Variants in CD6 observed in about 807,000 individuals in gnomAD.
The protein encoded by CD6 is T-cell differentiation antigen CD6.
Under a neutral mutation model 75.3 loss-of-function variants are expected in CD6, and 53 were observed. The observed-to-expected ratio is 0.70, with a 90% confidence interval of 0.56 to 0.88. The LOEUF (loss-of-function observed/expected upper bound fraction) is 0.88. Among genes scored for constraint, CD6 ranks in the 40% least tolerant of loss-of-function variants. The pLI is 0.00. For missense variants in CD6, 770 were observed against 897.1 expected, an observed-to-expected ratio of 0.86 and a Z score of 1.81; for synonymous variants, 359 against 381.5, an observed-to-expected ratio of 0.94 and a Z score of 0.69.
intron 1 of CD6, among the ~76,000 whole-genome samples, chr11:61,002,384 T>A (rs1048138422): frequency 6.6e-6 from 1 of 151,924 alleles, no homozygotes; most frequent in Non-Finnish European, 1.5e-5. Flanking sequence ...AGAAACCCCA[T>A]CTCTACCAAA....
At chr11:60,981,771 G>A (rs1181319048) in intron 1 of CD6, among the ~76,000 whole-genome samples, 1 of 152,192 alleles carries the variant, frequency 6.6e-6, no homozygotes, top group Admixed American at 6.5e-5. Flanking sequence ...AACGCCTTCT[G>A]CCTGAAAATG....
chr11:60,987,506 G>A (rs1193861887), intron 1 of CD6, among the ~76,000 whole-genome samples: 3 of 152,068 alleles, frequency 2.0e-5, no homozygotes, highest in Non-Finnish European at 2.9e-5. Flanking sequence ...TCAACAACTC[G>A]TAGCAATGTA....
At position 61,015,773 on chromosome 11, in the gene CD6, A is replaced by T; in HGVS notation, c.1448A>T (p.Asp483Val). ...CCTGAGGACTCAGACTCTGGCTCGG[A>T]CTCAGACTATGAGCACTATGACTTC... ...PPPEDSDSGS[D>V]SDYEHYDFSA... The change falls in exon 9 of 13, where the codon GAC (aspartate) becomes GTC (valine). Residue 483 changes from aspartate to valine, a missense_variant. By Grantham distance (152) the Asp-to-Val change is radical. Transcript: ENST00000313421. 1.2e-6 allele frequency: 2 copies of T among 1,614,090 alleles called. No individual in the cohort carries two copies. The highest frequency in any genetic ancestry group is 1.7e-6 in the Non-Finnish European group (2 of 1,180,020).
intron 1 of CD6, among the ~76,000 whole-genome samples, chr11:61,001,597 C>CT (rs140202569): frequency 0.16 from 25,029 of 152,142 alleles, 2,852 homozygotes; most frequent in Middle Eastern, 0.31. Flanking sequence ...TAAATCGTCC[C>CT]TTTAGGTTTT....
chr11:61,018,704 G>C (rs2134513952), intron 12 of CD6: 1 of 353,642 alleles, frequency 2.8e-6, no homozygotes, highest in South Asian at 5.1e-5. Flanking sequence ...TATAGTCCCA[G>C]CTCCTCAGGA....
chr11:61,005,364 G>T (rs533663838), intron 1 of CD6, among the ~76,000 whole-genome samples: 56 of 152,248 alleles, frequency 3.7e-4, no homozygotes, highest in African/African-American at 1.1e-3. Context: ...GACCTCACAG[G>T]GGGGGCCAGA....
At chr11:60,981,119 A>T (rs544255614) in intron 1 of CD6, among the ~76,000 whole-genome samples, 1 of 152,218 alleles carries the variant, frequency 6.6e-6, no homozygotes, top group Non-Finnish European at 1.5e-5. Context: ...GTACATTTAC[A>T]AGTGTTAGGC....
In CD6 at chr11:61,007,951, T is replaced by G; in HGVS notation, c.469+41T>G. The G allele has an allele frequency of 8.2e-7, 1 of 1,222,672 alleles. No homozygotes were observed. The highest frequency in any genetic ancestry group is 1.0e-6 in the Non-Finnish European group (1 of 962,192). The allele number at this position is 1,222,672 out of a possible 1,614,324, so 75.7% of individuals were successfully genotyped here. Reference sequence around the variant, plus strand: ...CTACACGGGCCCCCACCTGCCCCACTCCCCAGGCCTTCAGCCACTGCCCCT... The same window carrying G: ...CTACACGGGCCCCCACCTGCCCCACGCCCCAGGCCTTCAGCCACTGCCCCT... On this transcript the variant is annotated intron_variant, in intron 3 of 12. Transcript: ENST00000313421. This position sits in a 1 kb window ranked among gnomAD's most constrained non-coding sequence, Gnocchi z 4.2.
At chr11:60,992,771 T>C (rs1858119141) in intron 1 of CD6, among the ~76,000 whole-genome samples, 3 of 152,090 alleles carry the variant, frequency 2.0e-5, no homozygotes, top group African/African-American at 7.2e-5. Context: ...GAGGTTGCAG[T>C]GAACCAAGAT....
chr11:61,018,362 G>C lies in CD6; in HGVS notation c.1911G>C (p.Gln637His). 1 of 1,604,326 alleles carries C rather than the reference G, an allele frequency of 6.2e-7. No homozygotes were observed. The highest frequency in any genetic ancestry group is 8.5e-7 in the Non-Finnish European group (1 of 1,175,432). Residue 637 changes from glutamine (Q) to histidine (H), a missense_variant, in exon 12 of 13, where the codon CAG becomes CAC. Coordinates refer to ENST00000313421, the MANE Select transcript of CD6 (RefSeq NM_006725.5). The stretch of plus-strand genomic sequence containing the variant: ...ACCAGAACTTCCAGCCACCACCCCA[G>C]CCCCCTTCGGAGGAGCAGTTTGGCT... ...EWYQNFQPPPQPPSEEQFGCP... is the reference protein window; with the variant it reads ...EWYQNFQPPPHPPSEEQFGCP...
intron 1 of CD6, among the ~76,000 whole-genome samples, chr11:60,972,186 G>A (rs970682753): frequency 6.6e-6 from 1 of 152,166 alleles, no homozygotes; most frequent in African/African-American, 2.4e-5. Flanking sequence ...GTGTGAGGAG[G>A]GAGGTGCCTC....
intron 1 of CD6, chr11:60,982,644 G>C: frequency 2.2e-6 from 1 of 456,090 alleles, no homozygotes; most frequent in South Asian, 1.5e-5. Flanking sequence ...TTGCCAAATG[G>C]ATTCAGCTCC....
At position 60,971,927 on chromosome 11, in the gene CD6, C is replaced by A. The variant is rs772505340; in HGVS notation, c.49+13C>A. 9.3e-6 allele frequency: 15 copies of A among 1,613,170 alleles called. No individual in the cohort carries two copies. Among genetic ancestry groups the A allele is most frequent in the East Asian group, 2.2e-5 (1 of 44,850 alleles). ...GCAGCCCTCTCAGGTAGGCCCCCTT[C>A]CCTCATCTCCTGCCACTGGTGCTGG... On this transcript the variant is annotated intron_variant, in intron 1 of 12. Coordinates refer to ENST00000313421, the MANE Select transcript of CD6 (RefSeq NM_006725.5).
At chr11:60,991,090 A>G (rs1214316440) in intron 1 of CD6, among the ~76,000 whole-genome samples, 2 of 150,432 alleles carry the variant, frequency 1.3e-5, no homozygotes, top group Non-Finnish European at 3.0e-5. Flanking sequence ...CTTGAAATCT[A>G]TGAGGTATCA....
chr11:60,988,866 CA>C (rs1479865006), intron 1 of CD6, among the ~76,000 whole-genome samples: 1 of 152,202 alleles, frequency 6.6e-6, no homozygotes, highest in Non-Finnish European at 1.5e-5. Context: ...TGGGTGGGGG[CA>C]GGCCCCCTGG....
At chr11:61,000,655 G>A (rs1277121842) in intron 1 of CD6, among the ~76,000 whole-genome samples, 2 of 152,158 alleles carry the variant, frequency 1.3e-5, no homozygotes, top group Admixed American at 6.5e-5. Flanking sequence ...GCTTTCCCTC[G>A]ATGTCTATGC....
At chr11:60,977,641 T>G (rs1857411837) in intron 1 of CD6, among the ~76,000 whole-genome samples, 1 of 152,092 alleles carries the variant, frequency 6.6e-6, no homozygotes, top group South Asian at 2.1e-4. Flanking sequence ...TCTTTCTTTC[T>G]TTTCTTTTTT....
intron 1 of CD6, among the ~76,000 whole-genome samples, chr11:60,977,006 T>C (rs1857387181): frequency 6.6e-6 from 1 of 152,112 alleles, no homozygotes; most frequent in African/African-American, 2.4e-5. Flanking sequence ...TGGCCACAGG[T>C]CAATGACTGA....
chr11:61,008,963 C>A, intron 4 of CD6, 118 bp downstream of exon 4: 1 of 858,192 alleles, frequency 1.2e-6, no homozygotes, highest in Non-Finnish European at 1.7e-6. Context: ...TGTCACAGTT[C>A]AGGAGGGGAG....
Sources: gnomAD v4.1 joint callset for allele counts (sites outside exome capture counted in the v4.1 genomes callset) on GRCh38, gnomAD v4.1.1 for gene constraint, Gnocchi (gnomAD v3.1) non-coding constraint, MANE v1.5 for transcripts, NCBI Gene and HGNC (gene_info 2026-07-23, HGNC 2026-07-21) for gene names.